Variants in NTM observed in about 807,000 individuals in gnomAD.
NTM encodes the protein IgLON family member 2.
NTM carries 13 observed loss-of-function variants against 42.1 expected under a neutral mutation model. The ratio of observed to expected loss-of-function variants is 0.31; its 90% CI spans 0.20 to 0.49. The LOEUF (loss-of-function observed/expected upper bound fraction) is 0.49, where lower values mean the gene tolerates loss of function less well. Ranked by LOEUF, NTM falls within the 20% of genes least tolerant of loss-of-function variation. The pLI, the probability that NTM is intolerant of heterozygous loss-of-function variation, is 0.99. For missense variants in NTM, 373 were observed against 452.8 expected, an observed-to-expected ratio of 0.82 and a Z score of 1.60; for synonymous variants, 187 against 179.2, an observed-to-expected ratio of 1.04 and a Z score of -0.35.
At chr11:132,165,516 G>A (rs943197197) in intron 3 of NTM, among the ~76,000 whole-genome samples, 4 of 152,092 alleles carry the variant, frequency 2.6e-5, no homozygotes, top group African/African-American at 9.7e-5. Flanking sequence ...ACATTTATTG[G>A]GTCCTTTCCA....
chr11:131,777,622 C>G (rs544516364), intron 1 of NTM, among the ~76,000 whole-genome samples: 14 of 152,100 alleles, frequency 9.2e-5, no homozygotes, highest in Non-Finnish European at 1.8e-4. Flanking sequence ...AAATTTTACC[C>G]TCATTTTTTC....
intron 8 of NTM, chr11:132,332,491 G>C (rs945757713): frequency 6.6e-6 from 1 of 152,172 alleles, no homozygotes; most frequent in African/African-American, 2.4e-5. Context: ...GCCTTTTTCT[G>C]TCTTCCATAG....
chr11:132,261,138 T>C (rs1809063), intron 4 of NTM, among the ~76,000 whole-genome samples: 77,265 of 152,044 alleles, frequency 0.51, 20,297 homozygotes, highest in African/African-American at 0.62. Context: ...ACCCAGTGTC[T>C]TCTTCCTTAT....
chr11:131,903,947 TTTG>T (rs960896526), intron 1 of NTM, among the ~76,000 whole-genome samples: 4 of 152,198 alleles, frequency 2.6e-5, no homozygotes, highest in African/African-American at 9.7e-5. Context: ...AAGATTTTTT[TTTG>T]TTTTTTGACA....
Position 131,619,658 on chromosome 11 carries a change from A to G in NTM, c.82+248770A>G, listed in dbSNP as rs1161284554. On this transcript the variant is annotated intron_variant, in intron 1 of 8. Coordinates refer to ENST00000683400, the MANE Select transcript of NTM (RefSeq NM_001352005.2). ...TTGGCCACAAAGTGAAAGAGTCAAG[A>G]CGCAAATTTTTCATGAAAAGGAGAG... Among the ~76,000 whole-genome samples, 2 of 152,166 alleles carry G rather than the reference A, an allele frequency of 1.3e-5. 1 individual carries two copies. Among genetic ancestry groups the G allele is most frequent in the South Asian group, 4.1e-4 (2 of 4,830 alleles).
chr11:131,728,078 TTAGTA>T (rs1291174983), intron 1 of NTM, among the ~76,000 whole-genome samples: 1 of 152,164 alleles, frequency 6.6e-6, no homozygotes, highest in Non-Finnish European at 1.5e-5. Flanking sequence ...TAGGTGTTCA[TTAGTA>T]TAGTGGAATG....
At chr11:131,383,813 C>T (rs1277921613) in intron 1 of NTM, among the ~76,000 whole-genome samples, 1 of 152,136 alleles carries the variant, frequency 6.6e-6, no homozygotes, top group African/African-American at 2.4e-5. Context: ...GGTAATGTGT[C>T]ACTCTAGTTA....
intron 1 of NTM, among the ~76,000 whole-genome samples, chr11:131,436,123 C>T (rs1949108076): frequency 6.6e-6 from 1 of 152,148 alleles, no homozygotes; most frequent in Non-Finnish European, 1.5e-5. Flanking sequence ...AGACTTGCAT[C>T]CCAGGGATGA....
chr11:132,327,430 G>A (rs1478312802), intron 7 of NTM, among the ~76,000 whole-genome samples: 2 of 152,232 alleles, frequency 1.3e-5, no homozygotes, highest in Non-Finnish European at 2.9e-5. Context: ...GAGATTATTA[G>A]TTCTTCCCTG....
chr11:132,035,199 C>A (rs1300754008), intron 2 of NTM, among the ~76,000 whole-genome samples: 1 of 152,192 alleles, frequency 6.6e-6, no homozygotes. Context: ...GTTTATGATT[C>A]TGTCATACCA....
At chr11:131,796,100 G>A in intron 1 of NTM, 1 of 985,416 alleles carries the variant, frequency 1.0e-6, no homozygotes, top group Non-Finnish European at 1.2e-6. Flanking sequence ...TTTTCCCGGG[G>A]GAAATCTAGG....
At chr11:131,698,677 A>C (rs1035581546) in intron 1 of NTM, among the ~76,000 whole-genome samples, 1 of 152,234 alleles carries the variant, frequency 6.6e-6, no homozygotes, top group African/African-American at 2.4e-5. Context: ...AGGATTTTCC[A>C]AGGTGTACAT....
intron 1 of NTM, among the ~76,000 whole-genome samples, chr11:131,628,893 G>A (rs1001667268): frequency 5.1e-4 from 77 of 152,258 alleles, no homozygotes; most frequent in African/African-American, 1.8e-3. Flanking sequence ...GAGCCCAAGA[G>A]CCAGGGCTGT....
At chr11:131,528,666 C>T (rs533531972) in intron 1 of NTM, among the ~76,000 whole-genome samples, 36 of 152,270 alleles carry the variant, frequency 2.4e-4, no homozygotes, top group Non-Finnish European at 4.7e-4. Flanking sequence ...AATAATTGAG[C>T]TCATTCTTTT....
chr11:131,826,718 G>C (rs1470173988), intron 1 of NTM, among the ~76,000 whole-genome samples: 1 of 152,090 alleles, frequency 6.6e-6, no homozygotes, highest in Non-Finnish European at 1.5e-5. Flanking sequence ...ACAAGAACCA[G>C]GGTGGTTAGT....
chr11:131,958,079 A>G (rs576210696), intron 2 of NTM, among the ~76,000 whole-genome samples: 2 of 152,222 alleles, frequency 1.3e-5, no homozygotes, highest in Non-Finnish European at 2.9e-5. Flanking sequence ...TGCCGACACC[A>G]CCTCTGTTTG....
intron 7 of NTM, among the ~76,000 whole-genome samples, chr11:132,319,553 C>A (rs2095512327): frequency 1.3e-5 from 2 of 152,228 alleles, no homozygotes; most frequent in Admixed American, 6.5e-5. Flanking sequence ...AACTGCAAGG[C>A]AGCAGCAAGG....
chr11:131,392,317 T>C (rs2135597711), intron 1 of NTM, among the ~76,000 whole-genome samples: 1 of 149,946 alleles, frequency 6.7e-6, no homozygotes, highest in East Asian at 2.0e-4. Flanking sequence ...TAGTCCTGTG[T>C]GCAACCACAG....
rs138548486 is a variant in NTM at position 131,876,274 on chromosome 11, G to A, written c.83-35290G>A. Reference sequence around the variant, plus strand: ...ACACTTGTGTGCGTGCAGTGAGGCAGCAGCTGTGGGCACATCAGGAGAAAT... The same window carrying A: ...ACACTTGTGTGCGTGCAGTGAGGCAACAGCTGTGGGCACATCAGGAGAAAT... On this transcript the variant is annotated intron_variant, in intron 1 of 8. Transcript: ENST00000683400. Among the ~76,000 whole-genome samples, 18 of 152,296 alleles carry A rather than the reference G, an allele frequency of 1.2e-4. No homozygotes were observed. The East Asian group carries it at 3.5e-3, about 29-fold the overall frequency.
Sources: gnomAD v4.1 joint callset for allele counts (sites outside exome capture counted in the v4.1 genomes callset) on GRCh38, gnomAD v4.1.1 for gene constraint, MANE v1.5 for transcripts, NCBI Gene and HGNC (gene_info 2026-07-23, HGNC 2026-07-21) for gene names.